CFAP57: variants seen among roughly 807,000 people sequenced by gnomAD.
CFAP57 encodes cilia and flagella associated protein 57, also known as cilia- and flagella-associated protein 57.
A neutral mutation model predicts 146.8 loss-of-function variants in CFAP57; 116 were observed. The ratio of observed to expected loss-of-function variants is 0.79; its 90% CI spans 0.68 to 0.92. The LOEUF is 0.92. Among genes scored for constraint, CFAP57 ranks in the 40% least tolerant of loss-of-function variants. The pLI is 0.00. For synonymous variants in CFAP57, 518 were observed against 552.8 expected (o/e 0.94, Z 0.88); for missense variants, 1,377 against 1,527.2 (o/e 0.90, Z 1.64).
At chr1:43,189,339 G>T (rs1643354619) in intron 6 of CFAP57, among the ~76,000 whole-genome samples, 1 of 152,148 alleles carries the variant, frequency 6.6e-6, no homozygotes, top group East Asian at 1.9e-4. Context: ...GGGGAGTGTT[G>T]CCATCTTAAC....
chr1:43,201,297 G>C lies in CFAP57; in HGVS notation c.1542+1794G>C, dbSNP rs1644112014. Among the ~76,000 whole-genome samples, 1 of 152,080 alleles carries C rather than the reference G, an allele frequency of 6.6e-6. No individual in the cohort carries two copies. Among genetic ancestry groups the C allele is most frequent in the South Asian group, 2.1e-4 (1 of 4,820 alleles). ...GAAAATAAAGATACAAAGAGAACTT[G>C]GAATCAGATAATTATCTCAAAGAAG... On this transcript the variant is annotated intron_variant, in intron 9 of 22. Transcript: ENST00000372492. The surrounding 1 kb of genome is among the most constrained non-coding windows in gnomAD (Gnocchi z 4.4).
At chr1:43,232,726 A>T (rs1314091309) in intron 19 of CFAP57, 102 bp downstream of exon 19, 1 of 744,420 alleles carries the variant, frequency 1.3e-6, no homozygotes, top group African/African-American at 1.8e-5. Context: ...CACTGCGAGG[A>T]TATGTTTCCC....
rs758874136 is a variant in CFAP57, at chr1:43,224,167, G to A, written c.2828G>A (p.Arg943Gln). 11 of 1,549,252 alleles carry A rather than the reference G, an allele frequency of 7.1e-6. No individual in the cohort carries two copies. In the East Asian group the frequency reaches 1.5e-4, roughly 21 times the overall value. The change falls in exon 17 of 23, where the codon CGA becomes CAA. Residue 943 changes from arginine to glutamine, a missense_variant. Physicochemically the swap from Arg to Gln is conservative, Grantham distance 43 (BLOSUM62 1). Transcript: ENST00000372492. ...GAGAAGGACATCCAAGGCCTCAAGCGAGAGATCCAGGAAAGAGACGAGACT... is the reference window on the plus strand; with the variant it reads ...GAGAAGGACATCCAAGGCCTCAAGCAAGAGATCCAGGAAAGAGACGAGACT... ...SLEKDIQGLK[R>Q]EIQERDETIQ...
intron 8 of CFAP57, 94 bp from the exon 9 acceptor site, chr1:43,199,296 T>C: frequency 8.4e-7 from 1 of 1,183,584 alleles, no homozygotes; most frequent in Non-Finnish European, 1.3e-6. Flanking sequence ...GTAGTTTCAG[T>C]CTGAACTCGT....
At chr1:43,195,840 C>T (rs576899790) in intron 6 of CFAP57, among the ~76,000 whole-genome samples, 1 of 152,070 alleles carries the variant, frequency 6.6e-6, no homozygotes, top group African/African-American at 2.4e-5. Flanking sequence ...TTGGTGCCTA[C>T]TTATCATAGG....
chr1:43,201,547 G>A lies in CFAP57; in HGVS notation c.1542+2044G>A, dbSNP rs1369604203. On this transcript the variant is annotated intron_variant, in intron 9 of 22. Coordinates refer to ENST00000372492, the MANE Select transcript of CFAP57 (RefSeq NM_001378189.1). The surrounding 1 kb of genome is among the most constrained non-coding windows in gnomAD (Gnocchi z 4.4). ...GTCACCCAGGCTGGAGTGCAGAGGC[G>A]TGATCTCGGCTCACTGCAACCTCCA... is the stretch of plus-strand genomic sequence containing the variant. 2.6e-5 allele frequency among the ~76,000 whole-genome samples: 4 copies of A among 152,182 alleles called. No individual in the cohort carries two copies. The highest frequency in any genetic ancestry group is 6.5e-5 in the Admixed American group (1 of 15,282).
Position 43,172,434 on chromosome 1 carries a change from G to C in CFAP57, c.-39G>C. The C allele has an allele frequency of 1.3e-6, 2 of 1,549,830 alleles. No homozygotes were observed. Among genetic ancestry groups the C allele is most frequent in the South Asian group, 1.2e-5 (1 of 84,002 alleles). ...CCTCTGGATACATGCGTGGTCTGCT[G>C]ACCCAGAGAGAAACGAAAGGTGGGA... is the stretch of plus-strand genomic sequence containing the variant. On this transcript the variant is annotated 5_prime_UTR_variant, in exon 1 of 23. Transcript: ENST00000372492.
rs1395468582 is a variant in CFAP57 at position 43,201,176 on chromosome 1, C to T, written c.1542+1673C>T. Among the ~76,000 whole-genome samples the T allele has an allele frequency of 1.3e-5, 2 of 152,034 alleles. No homozygotes were observed. Among genetic ancestry groups the T allele is most frequent in the African/African-American group, 2.4e-5 (1 of 41,368 alleles). On this transcript the variant is annotated intron_variant, in intron 9 of 22. Transcript: ENST00000372492. This position sits in a 1 kb window ranked among gnomAD's most constrained non-coding sequence, Gnocchi z 4.4. The stretch of plus-strand genomic sequence containing the variant: ...GAAGTCAGAGGCATAGATTAGATCA[C>T]CAAGGGCCTATGTAGAATCTGAGAA...
chr1:43,213,603 A>G (rs12731921), intron 11 of CFAP57, among the ~76,000 whole-genome samples: 115,508 of 151,768 alleles, frequency 0.76, 45,334 homozygotes, highest in Middle Eastern at 0.9. Context: ...TGGTAGTTCT[A>G]TTTTTAGTTT....
chr1:43,185,998 G>A (rs2124321165), intron 5 of CFAP57, among the ~76,000 whole-genome samples: 1 of 151,934 alleles, frequency 6.6e-6, no homozygotes, highest in Admixed American at 6.6e-5. Context: ...AGAATTGCTT[G>A]AACCCGGGCA....
At chr1:43,222,071 T>C in intron 14 of CFAP57, 34 bp from the exon 15 acceptor site, 1 of 1,518,060 alleles carries the variant, frequency 6.6e-7, no homozygotes, top group Non-Finnish European at 8.9e-7. Context: ...AGTGCTGCTC[T>C]CCCACCTTAA....
chr1:43,253,260 CTCAGT>C (rs1487899963), intron 22 of CFAP57, among the ~76,000 whole-genome samples: 1 of 152,188 alleles, frequency 6.6e-6, no homozygotes, highest in African/African-American at 2.4e-5. Flanking sequence ...AGAGAGGGTT[CTCAGT>C]TCAGTCCAAG....
At position 43,254,234 on chromosome 1, in the gene CFAP57, C is replaced by T. The variant is rs1243038736; in HGVS notation, c.*43C>T. On this transcript the variant is annotated 3_prime_UTR_variant, in exon 23 of 23. Transcript: ENST00000372492. ...TCTCCAGCCACAGCCAGAAGAAACA[C>T]AGCATGTCTGTCCCCAAGCCAGACT... 1.0e-5 allele frequency: 15 copies of T among 1,502,748 alleles called. No individual in the cohort carries two copies. The highest frequency in any genetic ancestry group is 1.3e-5 in the Non-Finnish European group (15 of 1,115,886). 93.1% of individuals were successfully genotyped at this position (1,502,748 alleles called of 1,614,324 possible). A position where few individuals can be genotyped will look rare whatever the true frequency, so the allele number is the denominator to read the frequency against.
rs6695238 is a variant in CFAP57 at position 43,172,765 on chromosome 1, G to T, written c.12G>T (p.Val4=). MSA[V]VAQTLHVFGL... ...TTTGGCGGGAGATCATGTCAGCCGT[G>T]GTAGCTCAGACGCTGCATGTTTTTG... Residue 4 remains valine, a synonymous_variant, in exon 2 of 23, where the codon GTG becomes GTT. Coordinates refer to ENST00000372492, the MANE Select transcript of CFAP57 (RefSeq NM_001378189.1). 0.048 allele frequency: 76,840 copies of T among 1,613,998 alleles called. 2,686 individuals carry two copies. The highest frequency in any genetic ancestry group is 0.17 in the African/African-American group (12,955 of 74,946).
rs117190306 is a variant in CFAP57, at chr1:43,225,440, C to T, written c.2865+1236C>T. Among the ~76,000 whole-genome samples the T allele has an allele frequency of 2.6e-5, 4 of 152,346 alleles. No homozygotes were observed. The East Asian group carries it at 7.7e-4, about 29-fold the overall frequency. ...ACAAAACATTAGTCAATTAACTTGGCTGTGTTCCAATAAAGTTTTACAGAA... is the reference window on the plus strand; with the variant it reads ...ACAAAACATTAGTCAATTAACTTGGTTGTGTTCCAATAAAGTTTTACAGAA... On this transcript the variant is annotated intron_variant, in intron 17 of 22. Transcript: ENST00000372492.
chr1:43,196,060 T>C (rs559710315), intron 6 of CFAP57, among the ~76,000 whole-genome samples: 1 of 152,336 alleles, frequency 6.6e-6, no homozygotes, highest in Non-Finnish European at 1.5e-5. Context: ...GAATAAACAG[T>C]ATGAAATACT....
At chr1:43,176,019 T>A (rs904280676) in intron 2 of CFAP57, among the ~76,000 whole-genome samples, 2 of 152,160 alleles carry the variant, frequency 1.3e-5, no homozygotes, top group Non-Finnish European at 2.9e-5. Flanking sequence ...GTATCACTTC[T>A]CTTCTGCTCC....
chr1:43,173,507 T>C (rs902156095), intron 2 of CFAP57, among the ~76,000 whole-genome samples: 1 of 152,218 alleles, frequency 6.6e-6, no homozygotes, highest in Non-Finnish European at 1.5e-5. Flanking sequence ...CAATAGAATG[T>C]AGATCTGTGA....
intron 13 of CFAP57, among the ~76,000 whole-genome samples, chr1:43,221,118 A>C (rs1489242927): frequency 6.6e-6 from 1 of 152,222 alleles, no homozygotes; most frequent in African/African-American, 2.4e-5. Context: ...CACGTGTCCA[A>C]AACTGAACTC....
Sources: gnomAD v4.1 joint callset for allele counts (sites outside exome capture counted in the v4.1 genomes callset) on GRCh38, gnomAD v4.1.1 for gene constraint, Gnocchi (gnomAD v3.1) non-coding constraint, MANE v1.5 for transcripts, NCBI Gene and HGNC (gene_info 2026-07-23, HGNC 2026-07-21) for gene names.